Variants in FAM118B observed in about 807,000 individuals in gnomAD.
FAM118B encodes the protein protein FAM118B.
A neutral mutation model predicts 38.5 loss-of-function variants in FAM118B; 24 were observed. The observed-to-expected ratio is 0.62, with a 90% CI of 0.45 to 0.88. The LOEUF (loss-of-function observed/expected upper bound fraction) is 0.88, where lower values mean the gene tolerates loss of function less well. Among genes scored for constraint, FAM118B ranks in the 40% least tolerant of loss-of-function variants. FAM118B has a pLI of 0.00. For synonymous variants in FAM118B, 138 were observed against 156.3 expected (o/e 0.88, Z 0.87); for missense variants, 334 against 420.0 (o/e 0.80, Z 1.79).
At chr11:126,254,950 A>G (rs754828748) in intron 6 of FAM118B, among the ~76,000 whole-genome samples, 2 of 152,172 alleles carry the variant, frequency 1.3e-5, no homozygotes, top group Non-Finnish European at 2.9e-5. Context: ...CTTTGTTTGT[A>G]CTTAATTGAC....
chr11:126,220,928 TGTAATCCCACCACTTTGAGAG>T (rs1165704221), intron 1 of FAM118B, among the ~76,000 whole-genome samples: 2 of 152,164 alleles, frequency 1.3e-5, no homozygotes, highest in Non-Finnish European at 2.9e-5. Flanking sequence ...GGCTCATGCC[TGTAATCCCACCACTTTGAGAG>T]GCCAAGGCAT....
intron 5 of FAM118B, among the ~76,000 whole-genome samples, chr11:126,251,369 C>T (rs541353545): frequency 1.3e-5 from 2 of 152,264 alleles, no homozygotes; most frequent in Admixed American, 1.3e-4. Flanking sequence ...AATTTAGAGC[C>T]CAACTAAGTA....
intron 2 of FAM118B, among the ~76,000 whole-genome samples, chr11:126,232,219 A>G (rs557257006): frequency 8.6e-4 from 131 of 152,278 alleles, no homozygotes; most frequent in Non-Finnish European, 1.6e-3. Flanking sequence ...AGTCCAAAAA[A>G]TCTGAAATCT....
At chr11:126,219,415 T>G (rs1310459717) in intron 1 of FAM118B, among the ~76,000 whole-genome samples, 2 of 128,150 alleles carry the variant, frequency 1.6e-5, no homozygotes, top group Admixed American at 1.8e-4. Flanking sequence ...TTGCCCAGAC[T>G]GGAGTGGGCA....
chr11:126,220,154 G>A (rs1196293235), intron 1 of FAM118B, among the ~76,000 whole-genome samples: 1 of 152,160 alleles, frequency 6.6e-6, no homozygotes, highest in Non-Finnish European at 1.5e-5. Flanking sequence ...TGCTCTTTCT[G>A]CATATTTCCT....
chr11:126,259,634 C>T (rs1950643261), intron 7 of FAM118B, among the ~76,000 whole-genome samples: 1 of 151,184 alleles, frequency 6.6e-6, no homozygotes, highest in Non-Finnish European at 1.5e-5. Context: ...ACCATGTTGG[C>T]CAGGATGGTC....
chr11:126,232,721 T>A (rs887068038), intron 2 of FAM118B, among the ~76,000 whole-genome samples: 21 of 151,534 alleles, frequency 1.4e-4, no homozygotes, highest in East Asian at 7.7e-4. Flanking sequence ...ATATTTTTTT[T>A]TAAAAAAATA....
In FAM118B at chr11:126,245,882, G is replaced by A. The variant is rs532974320; in HGVS notation, c.340-4624G>A. Among the ~76,000 whole-genome samples, 675 of 151,784 alleles carry A rather than the reference G, an allele frequency of 4.4e-3. 2 individuals are homozygous for A. The highest frequency in any genetic ancestry group is 0.015 in the African/African-American group (613 of 41,378). On this transcript the variant is annotated intron_variant, in intron 4 of 8. Transcript: ENST00000533050. The stretch of plus-strand genomic sequence containing the variant: ...GTGGTGGCGCATGCCTGTAGTCACA[G>A]CTACTGGGGAGGCTGAGGCAGGAGA...
At position 126,250,485 on chromosome 11, in the gene FAM118B, T is replaced by G; in HGVS notation, c.340-21T>G. 7.6e-6 allele frequency: 12 copies of G among 1,578,020 alleles called. No individual in the cohort carries two copies. Among genetic ancestry groups the G allele is most frequent in the Non-Finnish European group, 9.6e-6 (11 of 1,149,756 alleles). On this transcript the variant is annotated intron_variant, in intron 4 of 8. Coordinates refer to ENST00000533050, the MANE Select transcript of FAM118B (RefSeq NM_024556.4). This position sits in a 1 kb window ranked among gnomAD's most constrained non-coding sequence, Gnocchi z 5.1. ...ACCAAAGCACTTTGGACTAATTTTC[T>G]TTTTTCAAATCCCTCCTCAGCGTAC... is the stretch of plus-strand genomic sequence containing the variant.
chr11:126,228,622 A>G (rs1238226619), intron 1 of FAM118B, among the ~76,000 whole-genome samples: 1 of 152,066 alleles, frequency 6.6e-6, no homozygotes, highest in Non-Finnish European at 1.5e-5. Context: ...GTGCAGTGGC[A>G]TGATCTTGGC....
chr11:126,247,857 C>CAAA (rs35290990), intron 4 of FAM118B, among the ~76,000 whole-genome samples: 1 of 125,014 alleles, frequency 8.0e-6, no homozygotes, highest in Admixed American at 8.0e-5. Context: ...GACTCCATCT[C>CAAA]AAAAAAAAAA....
intron 5 of FAM118B, among the ~76,000 whole-genome samples, chr11:126,251,995 T>C (rs1261645344): frequency 6.6e-6 from 1 of 150,464 alleles, no homozygotes; most frequent in East Asian, 2.0e-4. Context: ...TTTTGTTTTG[T>C]TTTGTTTTGA....
chr11:126,255,356 G>A lies in FAM118B; in HGVS notation c.696+923G>A, dbSNP rs1486814865. Among the ~76,000 whole-genome samples, 11 of 152,134 alleles carry A rather than the reference G, an allele frequency of 7.2e-5. No homozygotes were observed. The highest frequency in any genetic ancestry group is 2.1e-4 in the South Asian group (1 of 4,822). On this transcript the variant is annotated intron_variant, in intron 6 of 8. Transcript: ENST00000533050. The surrounding 1 kb of genome is among the most constrained non-coding windows in gnomAD (Gnocchi z 4.6). The stretch of plus-strand genomic sequence containing the variant: ...TAATGAGGCAAAAGACCGAGAAAAT[G>A]TATTGTCTAAAGCACAAGGGACTTT...
At chr11:126,219,349 C>CTTTTTTTGTTTTTTTTTTTTTTTTT (rs1950028937) in intron 1 of FAM118B, among the ~76,000 whole-genome samples, 1 of 44,414 alleles carries the variant, frequency 2.3e-5, no homozygotes, top group Non-Finnish European at 3.9e-5. Context: ...TCTTGTTTAT[C>CTTTTTTTGTTTTTTTTTTTTTTTTT]TTTTTTTTTT....
intron 3 of FAM118B, among the ~76,000 whole-genome samples, chr11:126,237,567 T>G (rs1409126905): frequency 7.5e-6 from 1 of 132,736 alleles, no homozygotes; most frequent in Non-Finnish European, 1.6e-5. Context: ...CCAGGCTCGG[T>G]GGCTCACGCC....
At chr11:126,257,435 G>A (rs182196158) in intron 7 of FAM118B, among the ~76,000 whole-genome samples, 2 of 152,066 alleles carry the variant, frequency 1.3e-5, no homozygotes, top group South Asian at 2.1e-4. Flanking sequence ...CCTAAAATTG[G>A]TGGAGATTCT....
At chr11:126,240,633 G>A (rs1950343770) in intron 3 of FAM118B, among the ~76,000 whole-genome samples, 159 bp from the exon 4 acceptor site, 1 of 152,068 alleles carries the variant, frequency 6.6e-6, no homozygotes, top group Non-Finnish European at 1.5e-5. Context: ...TATTCTGGTT[G>A]TTTTCTTTAA....
In FAM118B at chr11:126,224,043, T is replaced by C. The variant is rs550911905; in HGVS notation, c.-76-5182T>C. Among the ~76,000 whole-genome samples the C allele has an allele frequency of 4.6e-5, 7 of 152,324 alleles. No homozygotes were observed. The South Asian group carries it at 1.2e-3, about 27-fold the overall frequency. Reference sequence around the variant, plus strand: ...AGGGTGTTCTTTCGTTTGAGTTAGTTTGTGAAATAAATATCTGAATGCCTA... The same window carrying C: ...AGGGTGTTCTTTCGTTTGAGTTAGTCTGTGAAATAAATATCTGAATGCCTA... On this transcript the variant is annotated intron_variant, in intron 1 of 8. Coordinates refer to ENST00000533050, the MANE Select transcript of FAM118B (RefSeq NM_024556.4).
chr11:126,257,605 A>ATTT (rs5795488), intron 7 of FAM118B, among the ~76,000 whole-genome samples: 2 of 140,930 alleles, frequency 1.4e-5, no homozygotes, highest in East Asian at 2.0e-4. Flanking sequence ...AGAATTGTAC[A>ATTT]TTTTTTTTTT....
Sources: gnomAD v4.1 joint callset for allele counts (sites outside exome capture counted in the v4.1 genomes callset) on GRCh38, gnomAD v4.1.1 for gene constraint, Gnocchi (gnomAD v3.1) non-coding constraint, MANE v1.5 for transcripts, NCBI Gene and HGNC (gene_info 2026-07-23, HGNC 2026-07-21) for gene names.